The following ATP2C2 variants were observed in gnomAD, a reference collection of about 807,000 sequenced individuals.
The protein encoded by ATP2C2 is ATPase secretory pathway Ca2+ transporting 2.
In ATP2C2, 171 loss-of-function variants were observed where a neutral mutation model predicts 110.8. That is an observed-to-expected ratio of 1.54 (90% CI 1.36 to 1.75). The LOEUF (loss-of-function observed/expected upper bound fraction) is 1.75. Ranked by LOEUF, ATP2C2 falls within the 40% of genes most tolerant of loss-of-function variation. The pLI is 0.00. For synonymous variants in ATP2C2, 804 were observed against 508.4 expected (o/e 1.58, Z -7.82); for missense variants, 1,963 against 1,235.0 (o/e 1.59, Z -8.84).
At position 84,408,471 on chromosome 16, in the gene ATP2C2, G is replaced by A. The variant is rs752404652; in HGVS notation, c.394G>A (p.Glu132Lys). ...ALVSVLTKEYEDAVSIATAVL... is the reference protein window; with the variant it reads ...ALVSVLTKEYKDAVSIATAVL... ...GGTGAGTGTCCTCACCAAGGAGTATGAGGACGCCGTCAGCATCGCCACGGT... is the reference window on the plus strand; with the variant it reads ...GGTGAGTGTCCTCACCAAGGAGTATAAGGACGCCGTCAGCATCGCCACGGT... Residue 132 changes from glutamate (E) to lysine (K), a missense_variant, in exon 4 of 27, where the codon GAG (glutamate) becomes AAG (lysine). Coordinates refer to ENST00000262429, the MANE Select transcript of ATP2C2 (RefSeq NM_014861.4). 1 of 1,613,594 alleles carries A rather than the reference G, an allele frequency of 6.2e-7. No homozygotes were observed. The highest frequency in any genetic ancestry group is 1.7e-5 in the Admixed American group (1 of 60,000).
At chr16:84,437,678 G>T (rs1908868646) in intron 11 of ATP2C2, among the ~76,000 whole-genome samples, 1 of 152,122 alleles carries the variant, frequency 6.6e-6, no homozygotes, top group Non-Finnish European at 1.5e-5. Context: ...ACCACACCTG[G>T]CTAATTTTTG....
In ATP2C2 at chr16:84,405,208, C is replaced by T. The variant is rs1043322976; in HGVS notation, c.291C>T (p.Asp97=). 1 of 1,614,100 alleles carries T rather than the reference C, an allele frequency of 6.2e-7. No homozygotes were observed. Among genetic ancestry groups the T allele is most frequent in the Non-Finnish European group, 8.5e-7 (1 of 1,179,996 alleles). Residue 97 remains aspartate (D), a synonymous_variant, in exon 3 of 27, where the codon GAC becomes GAT. Coordinates refer to ENST00000262429, the MANE Select transcript of ATP2C2 (RefSeq NM_014861.4). The part of the protein sequence containing the change: ...LAHGWNEFVA[D]NSEPVWKKYL... The stretch of plus-strand genomic sequence containing the variant: ...ATGGCTGGAATGAGTTTGTTGCTGA[C>T]AACAGCGAACCTGTGTGGAAGAAAT...
intron 6 of ATP2C2, among the ~76,000 whole-genome samples, chr16:84,412,180 G>T (rs1163201109): frequency 6.6e-6 from 1 of 152,064 alleles, no homozygotes; most frequent in Non-Finnish European, 1.5e-5. Flanking sequence ...CACCACACCT[G>T]ACTACTTTTT....
intron 11 of ATP2C2, among the ~76,000 whole-genome samples, chr16:84,436,285 G>A (rs958563157): frequency 1.3e-5 from 2 of 152,228 alleles, no homozygotes; most frequent in African/African-American, 2.4e-5. Context: ...TGGGAGGCCC[G>A]GCAGCACTGT....
intron 1 of ATP2C2, 80 bp from the exon 2 acceptor site, chr16:84,398,419 A>T: frequency 1.2e-6 from 1 of 855,686 alleles, no homozygotes; most frequent in Non-Finnish European, 1.6e-6. Flanking sequence ...AAAATAAACT[A>T]ATAAAAATAA....
intron 24 of ATP2C2, 47 bp downstream of exon 24, chr16:84,460,848 C>T (rs745357979): frequency 3.2e-6 from 5 of 1,566,050 alleles, no homozygotes; most frequent in African/African-American, 2.7e-5. Flanking sequence ...TGGTGCGGTG[C>T]AGACGCTGGG....
chr16:84,438,984 C>G (rs752840809), intron 11 of ATP2C2, 182 bp from the exon 12 acceptor site: 39 of 833,286 alleles, frequency 4.7e-5, no homozygotes, highest in Non-Finnish European at 6.7e-5. Flanking sequence ...CAGGGGAGGG[C>G]TCAGGACAGT....
chr16:84,446,517 T>G, intron 16 of ATP2C2, 87 bp downstream of exon 16: 1 of 931,554 alleles, frequency 1.1e-6, no homozygotes, highest in Non-Finnish European at 1.6e-6. Flanking sequence ...TCAAGGATAA[T>G]TTGAAAGTTC....
chr16:84,463,713 T>G lies in ATP2C2; in HGVS notation c.2822T>G (p.Met941Arg). ...TGTTGCAGCCCCAAGAGAGTCCAGA[T>G]GCACCCTGAAGATGTGTAGTGGACC... The part of the protein sequence containing the change: ...KYCCSPKRVQ[M>R]HPEDV The change falls in exon 27 of 27, where the codon ATG (methionine) becomes AGG (arginine). Residue 941 changes from methionine (M) to arginine (R), a missense_variant. Coordinates refer to ENST00000262429, the MANE Select transcript of ATP2C2 (RefSeq NM_014861.4). 1 of 1,613,796 alleles carries G rather than the reference T, an allele frequency of 6.2e-7. No individual in the cohort carries two copies. Among genetic ancestry groups the G allele is most frequent in the Non-Finnish European group, 8.5e-7 (1 of 1,179,700 alleles).
At chr16:84,412,355 C>T (rs1053439196) in intron 6 of ATP2C2, among the ~76,000 whole-genome samples, 4 of 91,394 alleles carry the variant, frequency 4.4e-5, no homozygotes, top group African/African-American at 8.0e-5. Flanking sequence ...TGTCTGCGTG[C>T]GTGTGTGCAT....
In ATP2C2 at chr16:84,450,674, G is replaced by T. The variant is rs76561349; in HGVS notation, c.1661-1247G>T. Among the ~76,000 whole-genome samples, 257 of 152,210 alleles carry T rather than the reference G, an allele frequency of 1.7e-3. 1 individual carries two copies. The highest frequency in any genetic ancestry group is 5.3e-3 in the African/African-American group (222 of 41,534). On this transcript the variant is annotated intron_variant, in intron 17 of 26. Transcript: ENST00000262429. ...CCAGCCCCATCTTTGGTGTCAGTGAGGGGGCAAGGATGTTCTTACACCACC... is the reference window on the plus strand; with the variant it reads ...CCAGCCCCATCTTTGGTGTCAGTGATGGGGCAAGGATGTTCTTACACCACC...
chr16:84,396,956 G>A (rs2151414856), intron 1 of ATP2C2, among the ~76,000 whole-genome samples: 1 of 151,938 alleles, frequency 6.6e-6, no homozygotes, highest in African/African-American at 2.4e-5. Flanking sequence ...ATGGTTTGGG[G>A]TTGGGGAGGG....
chr16:84,415,703 A>G lies in ATP2C2; in HGVS notation c.624+112A>G. 5.1e-6 allele frequency: 4 copies of G among 787,932 alleles called. 1 individual carries two copies. The South Asian group carries it at 5.4e-5, about 11-fold the overall frequency. The allele number at this position is 787,932 out of a possible 1,614,324, so 48.8% of individuals were successfully genotyped here. A position where few individuals can be genotyped will look rare whatever the true frequency, so the allele number is the denominator to read the frequency against. On this transcript the variant is annotated intron_variant, in intron 7 of 26. Coordinates refer to ENST00000262429, the MANE Select transcript of ATP2C2 (RefSeq NM_014861.4). ...CTCTCTCATACACACATGCTCAAACATACATGCACATGCATACACACAAGA... is the reference window on the plus strand; with the variant it reads ...CTCTCTCATACACACATGCTCAAACGTACATGCACATGCATACACACAAGA...
At chr16:84,442,624 C>A (rs371657384) in intron 15 of ATP2C2, 25 bp downstream of exon 15, 3 of 1,607,030 alleles carry the variant, frequency 1.9e-6, no homozygotes, top group Non-Finnish European at 2.6e-6. Flanking sequence ...GGTGGCTCTG[C>A]GGGGAATTCT....
intron 14 of ATP2C2, among the ~76,000 whole-genome samples, chr16:84,442,161 C>T (rs1051776253): frequency 6.6e-6 from 1 of 152,084 alleles, no homozygotes; most frequent in African/African-American, 2.4e-5. Context: ...TCAGTGGTTT[C>T]AATTTGTTCA....
rs1196888980 is a variant in ATP2C2, at chr16:84,461,715, T to C, written c.2483T>C (p.Met828Thr). 2 of 1,613,914 alleles carry C rather than the reference T, an allele frequency of 1.2e-6. No individual in the cohort carries two copies. The highest frequency in any genetic ancestry group is 1.7e-6 in the Non-Finnish European group (2 of 1,179,758). Residue 828 changes from methionine (M) to threonine (T), a missense_variant and splice_region_variant, in exon 25 of 27, where the codon ATG (methionine) becomes ACG (threonine). Physicochemically the swap from Met to Thr is moderately conservative, Grantham distance 81 (BLOSUM62 -1). Coordinates refer to ENST00000262429, the MANE Select transcript of ATP2C2 (RefSeq NM_014861.4). ...CTCACCTTTGTGCTCACCTTCCAGA[T>C]GCCTGAAGACAGAGCAAGCACTCCC... Reference protein sequence around the residue: ...SGTLFIFWKEMPEDRASTPRT... With the variant: ...SGTLFIFWKETPEDRASTPRT...
chr16:84,412,556 GTGTGTGTGTGTGTA>G lies in ATP2C2; in HGVS notation c.515+1804_515+1817del, dbSNP rs1236761302. 6.9e-4 allele frequency among the ~76,000 whole-genome samples: 29 copies of G among 42,132 alleles called. No homozygotes were observed. In the South Asian group the frequency reaches 0.012, roughly 17 times the overall value. 27.6% of individuals were successfully genotyped at this position (42,132 alleles called of 152,430 possible). On this transcript the variant is annotated intron_variant, in intron 6 of 26. Transcript: ENST00000262429. ...TGTCTGTGTGTGTATGCGTGTGTGT[GTGTGTGTGTGTGTA>G]TGTGTGTGTGTGGAGATGGGGTTTC...
chr16:84,395,056 A>T (rs186448248), intron 1 of ATP2C2, among the ~76,000 whole-genome samples: 9 of 152,212 alleles, frequency 5.9e-5, no homozygotes, highest in African/African-American at 2.2e-4. Context: ...TAATCCGTGG[A>T]TGGGCATCGG....
rs767652415 is a variant in ATP2C2, at chr16:84,459,361, A to T, written c.2308A>T (p.Ile770Phe). Residue 770 changes from isoleucine to phenylalanine, a missense_variant, in exon 23 of 27, where the codon ATC (isoleucine) becomes TTC (phenylalanine). Coordinates refer to ENST00000262429, the MANE Select transcript of ATP2C2 (RefSeq NM_014861.4). ...CATGCAGATCCTATGGATCAACATCATCATGGATGGGCCACCGGCGCAGAG... is the reference window on the plus strand; with the variant it reads ...CATGCAGATCCTATGGATCAACATCTTCATGGATGGGCCACCGGCGCAGAG... ...NAMQILWINIIMDGPPAQSLG... is the reference protein window; with the variant it reads ...NAMQILWINIFMDGPPAQSLG... 1.2e-6 allele frequency: 2 copies of T among 1,614,170 alleles called. No homozygotes were observed. Among genetic ancestry groups the T allele is most frequent in the Non-Finnish European group, 1.7e-6 (2 of 1,180,016 alleles).
Sources: gnomAD v4.1 joint callset for allele counts (sites outside exome capture counted in the v4.1 genomes callset) on GRCh38, gnomAD v4.1.1 for gene constraint, MANE v1.5 for transcripts, NCBI Gene and HGNC (gene_info 2026-07-23, HGNC 2026-07-21) for gene names.